The following SYT16 variants were observed in gnomAD, a reference collection of about 807,000 sequenced individuals.
SYT16 encodes the protein synaptotagmin-16.
A neutral mutation model predicts 61.4 loss-of-function variants in SYT16; 42 were observed. The observed-to-expected ratio is 0.68, with a 90% confidence interval of 0.53 to 0.89. SYT16 has a LOEUF of 0.89. Ranked by LOEUF, SYT16 falls within the 40% of genes least tolerant of loss-of-function variation. The pLI, the probability that SYT16 is intolerant of heterozygous loss-of-function variation, is 0.00. For missense variants in SYT16, 804 were observed against 807.3 expected (o/e 1.00, Z 0.05); for synonymous variants, 314 against 302.3 (o/e 1.04, Z -0.40).
chr14:62,108,154 T>C lies in SYT16; in HGVS notation c.*7447T>C, dbSNP rs899645720. On this transcript the variant is annotated 3_prime_UTR_variant, in exon 8 of 8. Coordinates refer to ENST00000683842, the MANE Select transcript of SYT16 (RefSeq NM_001367656.1). The stretch of plus-strand genomic sequence containing the variant: ...GTCAACATTGGGAGTGTCCCTACCT[T>C]GGCAGATAGACCAATACTTTTTTCC... The C allele has an allele frequency of 6.6e-6, 1 of 152,240 alleles. No individual in the cohort carries two copies. The highest frequency in any genetic ancestry group is 2.4e-5 in the African/African-American group (1 of 41,462). The allele number at this position is 152,240 out of a possible 1,614,324, so 9.4% of individuals were successfully genotyped here.
At chr14:61,888,954 A>G (rs563245778) in intron 1 of SYT16, among the ~76,000 whole-genome samples, 2 of 152,324 alleles carry the variant, frequency 1.3e-5, no homozygotes, top group East Asian at 3.9e-4. Flanking sequence ...TGGTACAAGG[A>G]CTTAGGATCA....
At position 61,938,683 on chromosome 14, in the gene SYT16, T is replaced by C. The variant is rs906079710; in HGVS notation, c.-324-31449T>C. 2.6e-5 allele frequency among the ~76,000 whole-genome samples: 4 copies of C among 151,960 alleles called. 1 individual carries two copies. The highest frequency in any genetic ancestry group is 2.6e-4 in the Admixed American group (4 of 15,250). The stretch of plus-strand genomic sequence containing the variant: ...AATTTGGGCTTTATATTGTAGCTAA[T>C]GAGAAACCATTAACACCAGCTAAGG... On this transcript the variant is annotated intron_variant, in intron 1 of 7. Transcript: ENST00000683842.
At chr14:62,004,251 A>G (rs1389327765) in intron 3 of SYT16, among the ~76,000 whole-genome samples, 4 of 151,898 alleles carry the variant, frequency 2.6e-5, no homozygotes, top group Non-Finnish European at 5.9e-5. Flanking sequence ...ACAGAGAGAC[A>G]GAGAGAGAGA....
chr14:62,087,473 A>C (rs1164603275), intron 7 of SYT16, among the ~76,000 whole-genome samples: 3 of 152,204 alleles, frequency 2.0e-5, no homozygotes, highest in Non-Finnish European at 4.4e-5. Context: ...GACCTCAATC[A>C]TGCCCGACGG....
At chr14:61,950,000 C>A (rs1052103254) in intron 1 of SYT16, among the ~76,000 whole-genome samples, 2 of 152,038 alleles carry the variant, frequency 1.3e-5, no homozygotes, top group Non-Finnish European at 2.9e-5. Flanking sequence ...GTCTACTTTG[C>A]GAATTAAGAG....
At chr14:62,046,233 G>T (rs1178560248) in intron 3 of SYT16, among the ~76,000 whole-genome samples, 1 of 152,104 alleles carries the variant, frequency 6.6e-6, no homozygotes, top group Non-Finnish European at 1.5e-5. Context: ...TGTGTTTTTT[G>T]GCTGTATAAA....
chr14:61,990,177 C>T (rs896533866), intron 2 of SYT16, among the ~76,000 whole-genome samples: 3 of 152,198 alleles, frequency 2.0e-5, no homozygotes, highest in Admixed American at 6.6e-5. Flanking sequence ...TGACTCCATG[C>T]ATTATTCATC....
intron 2 of SYT16, among the ~76,000 whole-genome samples, chr14:61,987,727 T>C (rs963972375): frequency 1.5e-5 from 2 of 132,638 alleles, no homozygotes; most frequent in African/African-American, 5.7e-5. Flanking sequence ...GTGGAGGGAT[T>C]AGGAATGATT....
intron 2 of SYT16, among the ~76,000 whole-genome samples, chr14:61,977,941 G>A (rs2140551449): frequency 6.6e-6 from 1 of 152,270 alleles, no homozygotes; most frequent in South Asian, 2.1e-4. Context: ...GGAGACTCTA[G>A]GGAGAATCTG....
At chr14:62,078,272 G>C (rs1391657231) in intron 5 of SYT16, among the ~76,000 whole-genome samples, 1 of 151,830 alleles carries the variant, frequency 6.6e-6, no homozygotes, top group Non-Finnish European at 1.5e-5. Context: ...TCAAAATAAG[G>C]TTTGAAATTT....
chr14:61,881,438 T>A (rs895849220), intron 1 of SYT16, among the ~76,000 whole-genome samples: 2 of 152,264 alleles, frequency 1.3e-5, no homozygotes, highest in Non-Finnish European at 2.9e-5. Context: ...CTTGTCATGA[T>A]ACCAGTGTCA....
intron 3 of SYT16, among the ~76,000 whole-genome samples, chr14:62,034,671 A>G (rs1415816219): frequency 6.7e-6 from 1 of 149,246 alleles, no homozygotes; most frequent in East Asian, 2.1e-4. Flanking sequence ...GGCAGGAAGT[A>G]GATTATGCTG....
intron 3 of SYT16, among the ~76,000 whole-genome samples, chr14:62,018,142 A>G (rs1295483994): frequency 6.6e-6 from 1 of 151,900 alleles, no homozygotes; most frequent in African/African-American, 2.4e-5. Context: ...ATAATTTCCA[A>G]AGCATTTAGA....
intron 2 of SYT16, among the ~76,000 whole-genome samples, chr14:61,981,487 A>G (rs570823609): frequency 6.6e-6 from 1 of 152,348 alleles, no homozygotes; most frequent in African/African-American, 2.4e-5. Context: ...AGAGAAAATC[A>G]TATAATGAAC....
intron 7 of SYT16, among the ~76,000 whole-genome samples, chr14:62,086,494 C>CAACA (rs200193546): frequency 1.3e-4 from 20 of 151,924 alleles, no homozygotes; most frequent in Non-Finnish European, 2.2e-4. Flanking sequence ...AAACAAACAA[C>CAACA]AACAAACAAA....
intron 1 of SYT16, among the ~76,000 whole-genome samples, chr14:61,878,065 C>A (rs1034180035): frequency 1.3e-5 from 2 of 152,120 alleles, no homozygotes; most frequent in African/African-American, 4.8e-5. Flanking sequence ...TTTCTACTCA[C>A]CGTTCTCCAG....
intron 1 of SYT16, among the ~76,000 whole-genome samples, chr14:61,932,659 G>A (rs1432329719): frequency 6.6e-6 from 1 of 152,194 alleles, no homozygotes; most frequent in African/African-American, 2.4e-5. Context: ...TGAGATTTGG[G>A]TGGGGACACA....
intron 1 of SYT16, chr14:61,831,964 C>G (rs72716753): frequency 0.056 from 32,055 of 572,770 alleles, 1,208 homozygotes; most frequent in Non-Finnish European, 0.069. Flanking sequence ...GGCACCCACT[C>G]TTTGTCAAAG....
intron 1 of SYT16, among the ~76,000 whole-genome samples, chr14:61,889,641 TTCTG>T (rs1477948970): frequency 6.6e-6 from 1 of 151,328 alleles, no homozygotes; most frequent in African/African-American, 2.4e-5. Context: ...CTCCCCTCCT[TTCTG>T]TCTCTCTGTC....
Sources: gnomAD v4.1 joint callset for allele counts (sites outside exome capture counted in the v4.1 genomes callset) on GRCh38, gnomAD v4.1.1 for gene constraint, MANE v1.5 for transcripts, NCBI Gene and HGNC (gene_info 2026-07-23, HGNC 2026-07-21) for gene names.